Variants in ALG6 observed in about 807,000 individuals in gnomAD.
ALG6 encodes the protein dolichyl pyrophosphate Man9GlcNAc2 alpha-1,3-glucosyltransferase.
In ALG6, 46 loss-of-function variants were observed where a neutral mutation model predicts 66.6. The ratio of observed to expected loss-of-function variants is 0.69; its 90% CI spans 0.55 to 0.88. The LOEUF (loss-of-function observed/expected upper bound fraction) is 0.88. ALG6 is among the 40% of genes least tolerant of loss of function. The pLI, the probability that ALG6 is intolerant of heterozygous loss-of-function variation, is 0.00. For missense variants in ALG6, 505 were observed against 586.8 expected, an observed-to-expected ratio of 0.86 and a Z score of 1.44; for synonymous variants, 185 against 203.7, an observed-to-expected ratio of 0.91 and a Z score of 0.78.
intron 3 of ALG6, among the ~76,000 whole-genome samples, chr1:63,400,077 C>T (rs1285073769): frequency 1.3e-5 from 2 of 148,406 alleles, no homozygotes; most frequent in African/African-American, 2.5e-5. Context: ...GCCTGTAATC[C>T]CAGCTACTCA....
rs538799712 is a variant in ALG6, at chr1:63,393,368, G to A, written c.83-3145G>A. ...TTTAATGTACTATATGCCTAGCAAT[G>A]TTTTCTCTGGACACTGGAAAATCAG... On this transcript the variant is annotated intron_variant, in intron 2 of 14. Coordinates refer to ENST00000263440, the MANE Select transcript of ALG6 (RefSeq NM_013339.4). Among the ~76,000 whole-genome samples, 5 of 152,270 alleles carry A rather than the reference G, an allele frequency of 3.3e-5. No individual in the cohort carries two copies. In the East Asian group the frequency reaches 9.6e-4, roughly 29 times the overall value.
intron 3 of ALG6, among the ~76,000 whole-genome samples, chr1:63,399,855 A>G (rs190896303): frequency 6.9e-4 from 105 of 152,140 alleles, no homozygotes; most frequent in Non-Finnish European, 1.2e-3. Flanking sequence ...GTGGAAAAAT[A>G]CATTTCAATG....
chr1:63,381,348 GGAGGCT>G (rs1201954212), intron 2 of ALG6, among the ~76,000 whole-genome samples: 1 of 152,144 alleles, frequency 6.6e-6, no homozygotes, highest in African/African-American at 2.4e-5. Flanking sequence ...CAGCTACTAG[GGAGGCT>G]GAGGCAGGAG....
rs925818781 is a variant in ALG6 at position 63,437,676 on chromosome 1, A to C, written c.*656A>C. ...TTTATTTCCAAGAATGCATATTTTA[A>C]TACAATTAAAAATGAATTTTCCTGA... On this transcript the variant is annotated 3_prime_UTR_variant, in exon 15 of 15. Coordinates refer to ENST00000263440, the MANE Select transcript of ALG6 (RefSeq NM_013339.4). 2.6e-5 allele frequency: 4 copies of C among 152,172 alleles called. No homozygotes were observed. Among genetic ancestry groups the C allele is most frequent in the Non-Finnish European group, 5.9e-5 (4 of 68,038 alleles). 9.4% of individuals were successfully genotyped at this position (152,172 alleles called of 1,614,324 possible).
intron 2 of ALG6, among the ~76,000 whole-genome samples, chr1:63,381,698 A>G (rs1398247445): frequency 1.3e-5 from 2 of 152,096 alleles, no homozygotes; most frequent in African/African-American, 2.4e-5. Flanking sequence ...AGAGGATTCC[A>G]TTATAGAACT....
chr1:63,413,731 G>C, intron 9 of ALG6: 1 of 215,498 alleles, frequency 4.6e-6, no homozygotes, highest in Admixed American at 5.3e-5. Context: ...ATAAATTGTA[G>C]AAAAAACATT....
intron 2 of ALG6, among the ~76,000 whole-genome samples, chr1:63,390,425 T>G (rs1263065783): frequency 1.3e-5 from 2 of 152,062 alleles, no homozygotes; most frequent in South Asian, 2.1e-4. Flanking sequence ...CAGTCTCCTT[T>G]CCTTAAGCAG....
At chr1:63,404,780 C>G (rs534085795) in intron 5 of ALG6, among the ~76,000 whole-genome samples, 2 of 152,152 alleles carry the variant, frequency 1.3e-5, no homozygotes, top group South Asian at 4.1e-4. Context: ...TGACTTAATT[C>G]TTTGAACACC....
chr1:63,424,261 C>T (rs896527186), intron 12 of ALG6, among the ~76,000 whole-genome samples: 4 of 152,302 alleles, frequency 2.6e-5, no homozygotes, highest in Admixed American at 2.0e-4. Flanking sequence ...CTGCCTCAGC[C>T]TCCCGAGTAG....
intron 2 of ALG6, among the ~76,000 whole-genome samples, chr1:63,376,259 T>G (rs1648123055): frequency 6.6e-6 from 1 of 152,224 alleles, no homozygotes; most frequent in Non-Finnish European, 1.5e-5. Context: ...ATTTGTGTAT[T>G]TAAACATATC....
chr1:63,371,285 C>T (rs995569273), intron 2 of ALG6: 2 of 531,232 alleles, frequency 3.8e-6, no homozygotes, highest in South Asian at 2.1e-5. Context: ...TGTGTTCTAA[C>T]AGGTAAGATG....
At chr1:63,396,066 G>T (rs562247586) in intron 2 of ALG6, among the ~76,000 whole-genome samples, 1 of 152,056 alleles carries the variant, frequency 6.6e-6, no homozygotes, top group East Asian at 1.9e-4. Flanking sequence ...AAATACTATG[G>T]CATTTTATAT....
intron 10 of ALG6, among the ~76,000 whole-genome samples, 161 bp downstream of exon 10, chr1:63,414,307 A>G (rs1163793217): frequency 6.7e-6 from 1 of 149,188 alleles, no homozygotes; most frequent in Non-Finnish European, 1.5e-5. Context: ...GTTGGAGTGC[A>G]GTGGCTTGAG....
intron 2 of ALG6, among the ~76,000 whole-genome samples, chr1:63,396,295 C>T (rs1382866992): frequency 1.3e-5 from 2 of 152,032 alleles, no homozygotes; most frequent in Admixed American, 6.6e-5. Context: ...TTTTAATGTG[C>T]TCAAGTTTAG....
chr1:63,399,112 G>A (rs1044494276), intron 3 of ALG6, among the ~76,000 whole-genome samples: 1 of 152,098 alleles, frequency 6.6e-6, no homozygotes, highest in African/African-American at 2.4e-5. Context: ...TAGTTTCCTT[G>A]CATCTGCAAG....
At chr1:63,391,536 T>C (rs1648672995) in intron 2 of ALG6, among the ~76,000 whole-genome samples, 1 of 152,242 alleles carries the variant, frequency 6.6e-6, no homozygotes. Context: ...TATGATCTGC[T>C]TCAGGGGATG....
intron 10 of ALG6, 132 bp downstream of exon 10, chr1:63,414,278 G>C (rs555911342): frequency 4.8e-6 from 3 of 631,168 alleles, no homozygotes; most frequent in South Asian, 3.8e-5. Flanking sequence ...TTGAGACAGA[G>C]TCTGGCTCTG....
Position 63,419,669 on chromosome 1 carries a change from G to A in ALG6, c.1058+229G>A, listed in dbSNP as rs553160643. On this transcript the variant is annotated intron_variant, in intron 12 of 14. Transcript: ENST00000263440. ...ATTGACATAATAGTAATTTCTTCCT[G>A]TTCCTTCACTTATATTTTCTACATG... is the stretch of plus-strand genomic sequence containing the variant. Among the ~76,000 whole-genome samples, 71 of 152,144 alleles carry A rather than the reference G, an allele frequency of 4.7e-4. 1 individual carries two copies. The highest frequency in any genetic ancestry group is 1.6e-3 in the African/African-American group (67 of 41,506).
At chr1:63,371,933 C>T (rs1468416368) in intron 2 of ALG6, among the ~76,000 whole-genome samples, 1 of 151,980 alleles carries the variant, frequency 6.6e-6, no homozygotes, top group Non-Finnish European at 1.5e-5. Flanking sequence ...GTTAAATGGT[C>T]ACAACAGAGG....
Sources: gnomAD v4.1 joint callset for allele counts (sites outside exome capture counted in the v4.1 genomes callset) on GRCh38, gnomAD v4.1.1 for gene constraint, MANE v1.5 for transcripts, NCBI Gene and HGNC (gene_info 2026-07-23, HGNC 2026-07-21) for gene names.